The following CAMK2N2 variants were observed in gnomAD, a reference collection of about 807,000 sequenced individuals.
CAMK2N2 encodes the protein calcium/calmodulin dependent protein kinase II inhibitor 2.
Under a neutral mutation model 7.8 loss-of-function variants are expected in CAMK2N2, and 3 were observed. That is an observed-to-expected ratio of 0.38 (90% CI 0.18 to 0.99). CAMK2N2 has a LOEUF of 0.99. CAMK2N2 is among the 50% of genes least tolerant of loss of function. The pLI is 0.37. For missense variants in CAMK2N2, 85 were observed against 108.4 expected (o/e 0.78, Z 0.96); for synonymous variants, 45 against 46.6 (o/e 0.97, Z 0.14).
chr3:184,261,105 C>T lies in CAMK2N2; in HGVS notation c.169+12G>A, dbSNP rs1416046821. On this transcript the variant is annotated intron_variant, in intron 1 of 1. Transcript: ENST00000296238. This position sits in a 1 kb window ranked among gnomAD's most constrained non-coding sequence, Gnocchi z 5.1. ...CTGGGTCAGGCGGCGACTCCGGGCC[C>T]GGGCCGCGTACCTCGCTTGGCTCGG... 2 of 1,591,670 alleles carry T rather than the reference C, an allele frequency of 1.3e-6. No homozygotes were observed. Among genetic ancestry groups the T allele is most frequent in the Non-Finnish European group, 1.7e-6 (2 of 1,172,184 alleles).
chr3:184,259,348 G>T lies in CAMK2N2; in HGVS notation c.*809C>A, dbSNP rs961725151. The T allele has an allele frequency of 2.0e-5, 3 of 152,672 alleles. No homozygotes were observed. The highest frequency in any genetic ancestry group is 7.2e-5 in the African/African-American group (3 of 41,448). The allele number at this position is 152,672 out of a possible 1,614,324, so 9.5% of individuals were successfully genotyped here. A position where few individuals can be genotyped will look rare whatever the true frequency, so the allele number is the denominator to read the frequency against. On this transcript the variant is annotated 3_prime_UTR_variant, in exon 2 of 2. Coordinates refer to ENST00000296238, the MANE Select transcript of CAMK2N2 (RefSeq NM_033259.3). ...CAAAGGTTCAGAGCAGTCCCCATTT[G>T]GGTTCCCAGGGGCAAGACGCAGGGG...
Position 184,260,805 on chromosome 3 carries a change from A to G in CAMK2N2, c.169+312T>C, listed in dbSNP as rs1560173739. Among the ~76,000 whole-genome samples the G allele has an allele frequency of 2.0e-5, 3 of 152,194 alleles. No homozygotes were observed. Among genetic ancestry groups the G allele is most frequent in the Admixed American group, 6.5e-5 (1 of 15,286 alleles). ...CCGACTCAGTATTTGATCCCAAAGA[A>G]TCAGCCCGTTACCCCGTGCTCCCAC... On this transcript the variant is annotated intron_variant, in intron 1 of 1. Coordinates refer to ENST00000296238, the MANE Select transcript of CAMK2N2 (RefSeq NM_033259.3). This position sits in a 1 kb window ranked among gnomAD's most constrained non-coding sequence, Gnocchi z 6.6.
chr3:184,259,921 T>TA lies in CAMK2N2; in HGVS notation c.*235dup, dbSNP rs1260533568. 1.1e-4 allele frequency: 16 copies of TA among 151,864 alleles called. 2 individuals carry two copies. The highest frequency in any genetic ancestry group is 1.0e-3 in the Admixed American group (16 of 15,258). The allele number at this position is 151,864 out of a possible 1,614,324, so 9.4% of individuals were successfully genotyped here. ...GGGGTGGGGCTGCGGCCCGAGGTTT[T>TA]AAAGTGCATGAGCGCGGCGGCGGGT... On this transcript the variant is annotated 3_prime_UTR_variant, in exon 2 of 2. Coordinates refer to ENST00000296238, the MANE Select transcript of CAMK2N2 (RefSeq NM_033259.3).
At position 184,261,553 on chromosome 3, in the gene CAMK2N2, T is replaced by C. The variant is rs1389971772; in HGVS notation, c.-268A>G. ...GGCGGCGGCGGCGGCAAGAGCGGAA[T>C]GACGATGAGCGCCCGACTGCGGCAG... On this transcript the variant is annotated 5_prime_UTR_variant, in exon 1 of 2. Transcript: ENST00000296238. The surrounding 1 kb of genome is among the most constrained non-coding windows in gnomAD (Gnocchi z 5.1). The C allele has an allele frequency of 7.1e-6, 1 of 141,508 alleles. No individual in the cohort carries two copies. The highest frequency in any genetic ancestry group is 7.0e-5 in the Admixed American group (1 of 14,354). 8.8% of individuals were successfully genotyped at this position (141,508 alleles called of 1,614,324 possible).
In CAMK2N2 at chr3:184,260,514, T is replaced by C. The variant is rs1720006252; in HGVS notation, c.170-287A>G. Among the ~76,000 whole-genome samples the C allele has an allele frequency of 6.6e-6, 1 of 152,104 alleles. No homozygotes were observed. Among genetic ancestry groups the C allele is most frequent in the Non-Finnish European group, 1.5e-5 (1 of 68,018 alleles). ...CCACCTGAGCCTTCCTCCCTCTGAG[T>C]TGATCAGAAACCTCTTGCTCACGGA... is the stretch of plus-strand genomic sequence containing the variant. On this transcript the variant is annotated intron_variant, in intron 1 of 1. Transcript: ENST00000296238. This position sits in a 1 kb window ranked among gnomAD's most constrained non-coding sequence, Gnocchi z 6.6.
At position 184,260,752 on chromosome 3, in the gene CAMK2N2, T is replaced by C. The variant is rs1720015323; in HGVS notation, c.169+365A>G. Among the ~76,000 whole-genome samples, 1 of 152,192 alleles carries C rather than the reference T, an allele frequency of 6.6e-6. No homozygotes were observed. The highest frequency in any genetic ancestry group is 1.5e-5 in the Non-Finnish European group (1 of 68,032). On this transcript the variant is annotated intron_variant, in intron 1 of 1. Coordinates refer to ENST00000296238, the MANE Select transcript of CAMK2N2 (RefSeq NM_033259.3). The surrounding 1 kb of genome is among the most constrained non-coding windows in gnomAD (Gnocchi z 6.6). ...TGCCCTCTCTTGTTAGACGTCCCTC[T>C]CGACCCGAAGGTTCTTCGTATTGTC...
Position 184,260,145 on chromosome 3 carries a change from G to T in CAMK2N2, c.*12C>A, listed in dbSNP as rs377017173. ...AGGCTGGGCCCGGAGCCCGCCGCCC[G>T]AGCCGGCGCGTCTACACTCCGGACG... is the stretch of plus-strand genomic sequence containing the variant. On this transcript the variant is annotated 3_prime_UTR_variant, in exon 2 of 2. Coordinates refer to ENST00000296238, the MANE Select transcript of CAMK2N2 (RefSeq NM_033259.3). The surrounding 1 kb of genome is among the most constrained non-coding windows in gnomAD (Gnocchi z 6.6). 4.6e-6 allele frequency: 7 copies of T among 1,526,872 alleles called. No individual in the cohort carries two copies. Among genetic ancestry groups the T allele is most frequent in the Non-Finnish European group, 5.3e-6 (6 of 1,132,090 alleles). The allele number at this position is 1,526,872 out of a possible 1,614,324, so 94.6% of individuals were successfully genotyped here. A position where few individuals can be genotyped will look rare whatever the true frequency, so the allele number is the denominator to read the frequency against.
Position 184,260,269 on chromosome 3 carries a change from G to A in CAMK2N2, c.170-42C>T, listed in dbSNP as rs1719994099. 2.5e-6 allele frequency: 4 copies of A among 1,587,302 alleles called. No homozygotes were observed. Among genetic ancestry groups the A allele is most frequent in the African/African-American group, 1.3e-5 (1 of 74,224 alleles). On this transcript the variant is annotated intron_variant, in intron 1 of 1. Coordinates refer to ENST00000296238, the MANE Select transcript of CAMK2N2 (RefSeq NM_033259.3). This position sits in a 1 kb window ranked among gnomAD's most constrained non-coding sequence, Gnocchi z 6.6. ...CGCGTCAGCCGCGCGGCCTCGGGGGGCGGCGGCGATGAGAATGAGCCCCGC... is the reference window on the plus strand; with the variant it reads ...CGCGTCAGCCGCGCGGCCTCGGGGGACGGCGGCGATGAGAATGAGCCCCGC...
In CAMK2N2 at chr3:184,260,118, C is replaced by G; in HGVS notation, c.*39G>C. The G allele has an allele frequency of 1.5e-6, 2 of 1,344,038 alleles. No homozygotes were observed. The highest frequency in any genetic ancestry group is 1.9e-6 in the Non-Finnish European group (2 of 1,029,494). The allele number at this position is 1,344,038 out of a possible 1,614,324, so 83.3% of individuals were successfully genotyped here. A position where few individuals can be genotyped will look rare whatever the true frequency, so the allele number is the denominator to read the frequency against. ...CGCCGGCCCGCGCTCCTGGCCGCTG[C>G]GAGGCTGGGCCCGGAGCCCGCCGCC... is the stretch of plus-strand genomic sequence containing the variant. On this transcript the variant is annotated 3_prime_UTR_variant, in exon 2 of 2. Transcript: ENST00000296238. The surrounding 1 kb of genome is among the most constrained non-coding windows in gnomAD (Gnocchi z 6.6).
rs1719985907 is a variant in CAMK2N2, at chr3:184,260,097, G to T, written c.*60C>A. The T allele has an allele frequency of 9.8e-7, 1 of 1,021,308 alleles. No homozygotes were observed. Among genetic ancestry groups the T allele is most frequent in the Non-Finnish European group, 1.2e-6 (1 of 839,284 alleles). 63.3% of individuals were successfully genotyped at this position (1,021,308 alleles called of 1,614,324 possible). ...GGGGGGCGCCGGCAGCCGCATCGCCGGCCCGCGCTCCTGGCCGCTGCGAGG... is the reference window on the plus strand; with the variant it reads ...GGGGGGCGCCGGCAGCCGCATCGCCTGCCCGCGCTCCTGGCCGCTGCGAGG... On this transcript the variant is annotated 3_prime_UTR_variant, in exon 2 of 2. Transcript: ENST00000296238. This position sits in a 1 kb window ranked among gnomAD's most constrained non-coding sequence, Gnocchi z 6.6.
Position 184,260,344 on chromosome 3 carries a change from G to C in CAMK2N2, c.170-117C>G. On this transcript the variant is annotated intron_variant, in intron 1 of 1. Transcript: ENST00000296238. The surrounding 1 kb of genome is among the most constrained non-coding windows in gnomAD (Gnocchi z 6.6). ...GCCCGTGGCCCAGCGACGCCCCTCG[G>C]AACCCTGTGCCGCGGTGTCCTCCCC... 1 of 922,220 alleles carries C rather than the reference G, an allele frequency of 1.1e-6. No individual in the cohort carries two copies. Among genetic ancestry groups the C allele is most frequent in the Non-Finnish European group, 1.6e-6 (1 of 622,538 alleles). The allele number at this position is 922,220 out of a possible 1,614,324, so 57.1% of individuals were successfully genotyped here. A position where few individuals can be genotyped will look rare whatever the true frequency, so the allele number is the denominator to read the frequency against.
Position 184,261,185 on chromosome 3 carries a change from T to C in CAMK2N2, c.101A>G (p.Asn34Ser), listed in dbSNP as rs1326186282. 2 of 1,607,820 alleles carry C rather than the reference T, an allele frequency of 1.2e-6. No homozygotes were observed. The highest frequency in any genetic ancestry group is 8.5e-7 in the Non-Finnish European group (1 of 1,177,870). Residue 34 changes from asparagine (N) to serine (S), a missense_variant, in exon 1 of 2, where the codon AAC becomes AGC. Transcript: ENST00000296238. This position sits in a 1 kb window ranked among gnomAD's most constrained non-coding sequence, Gnocchi z 5.1. ...GGCCTGGTTGCCCGCGAAGAAGGAG[T>C]TGGTGTCCTGCAGGCGGCAGCTGAA... is the stretch of plus-strand genomic sequence containing the variant. The part of the protein sequence containing the change: ...LSFSCRLQDT[N>S]SFFAGNQAKR...
At position 184,261,204 on chromosome 3, in the gene CAMK2N2, A is replaced by C; in HGVS notation, c.82T>G (p.Cys28Gly). The change falls in exon 1 of 2, where the codon TGC becomes GGC. Residue 28 changes from cysteine (C) to glycine (G), a missense_variant. Transcript: ENST00000296238. The surrounding 1 kb of genome is among the most constrained non-coding windows in gnomAD (Gnocchi z 5.1). ...DPEGSDLSFS[C>G]RLQDTNSFFA... Reference sequence around the variant, plus strand: ...AAGGAGTTGGTGTCCTGCAGGCGGCAGCTGAAGGAGAGGTCGGAGCCCTCG... The same window carrying C: ...AAGGAGTTGGTGTCCTGCAGGCGGCCGCTGAAGGAGAGGTCGGAGCCCTCG... 6.2e-7 allele frequency: 1 copy of C among 1,608,062 alleles called. No homozygotes were observed. The highest frequency in any genetic ancestry group is 2.3e-5 in the East Asian group (1 of 43,998).
rs185351344 is a variant in CAMK2N2, at chr3:184,261,421, G to A, written c.-136C>T. ...GTCATGCAGCATCCGGGGCTGAGGA[G>A]CCAAGCGGGGCCTCCTCCCCCGCGC... On this transcript the variant is annotated 5_prime_UTR_variant, in exon 1 of 2. Transcript: ENST00000296238. The surrounding 1 kb of genome is among the most constrained non-coding windows in gnomAD (Gnocchi z 5.1). 8,635 of 629,974 alleles carry A rather than the reference G, an allele frequency of 0.014. 388 individuals are homozygous for A. The highest frequency in any genetic ancestry group is 0.11 in the East Asian group (2,658 of 25,012). The allele number at this position is 629,974 out of a possible 1,614,324, so 39.0% of individuals were successfully genotyped here. A position where few individuals can be genotyped will look rare whatever the true frequency, so the allele number is the denominator to read the frequency against.
chr3:184,261,185 T>G lies in CAMK2N2; in HGVS notation c.101A>C (p.Asn34Thr). The change falls in exon 1 of 2, where the codon AAC (asparagine) becomes ACC (threonine). Residue 34 changes from asparagine (N) to threonine (T), a missense_variant. By Grantham distance (65) the Asn-to-Thr change is moderately conservative (BLOSUM62 0). Transcript: ENST00000296238. This position sits in a 1 kb window ranked among gnomAD's most constrained non-coding sequence, Gnocchi z 5.1. ...GGCCTGGTTGCCCGCGAAGAAGGAG[T>G]TGGTGTCCTGCAGGCGGCAGCTGAA... ...LSFSCRLQDTNSFFAGNQAKR... is the reference protein window; with the variant it reads ...LSFSCRLQDTTSFFAGNQAKR... The G allele has an allele frequency of 1.2e-6, 2 of 1,607,820 alleles. No individual in the cohort carries two copies. Among genetic ancestry groups the G allele is most frequent in the Non-Finnish European group, 1.7e-6 (2 of 1,177,870 alleles).
chr3:184,260,711 C>T lies in CAMK2N2; in HGVS notation c.169+406G>A, dbSNP rs975849638. 2.0e-5 allele frequency among the ~76,000 whole-genome samples: 3 copies of T among 152,334 alleles called. No individual in the cohort carries two copies. In the South Asian group the frequency reaches 6.2e-4, roughly 32 times the overall value. ...TCCCCATGCAAACAACCAAGACAAGCGGACCCCCGGCCTCCTGCCCTCTCT... is the reference window on the plus strand; with the variant it reads ...TCCCCATGCAAACAACCAAGACAAGTGGACCCCCGGCCTCCTGCCCTCTCT... On this transcript the variant is annotated intron_variant, in intron 1 of 1. Coordinates refer to ENST00000296238, the MANE Select transcript of CAMK2N2 (RefSeq NM_033259.3). This position sits in a 1 kb window ranked among gnomAD's most constrained non-coding sequence, Gnocchi z 6.6.
rs1296315234 is a variant in CAMK2N2, at chr3:184,261,112, C to T, written c.169+5G>A. On this transcript the variant is annotated splice_donor_5th_base_variant and intron_variant, in intron 1 of 1. Coordinates refer to ENST00000296238, the MANE Select transcript of CAMK2N2 (RefSeq NM_033259.3). This position sits in a 1 kb window ranked among gnomAD's most constrained non-coding sequence, Gnocchi z 5.1. ...AGGCGGCGACTCCGGGCCCGGGCCGCGTACCTCGCTTGGCTCGGCCGATCT... is the reference window on the plus strand; with the variant it reads ...AGGCGGCGACTCCGGGCCCGGGCCGTGTACCTCGCTTGGCTCGGCCGATCT... 2 of 1,595,086 alleles carry T rather than the reference C, an allele frequency of 1.3e-6. No homozygotes were observed. The highest frequency in any genetic ancestry group is 1.4e-5 in the African/African-American group (1 of 72,486).
At position 184,260,356 on chromosome 3, in the gene CAMK2N2, G is replaced by T; in HGVS notation, c.170-129C>A. 1 of 779,244 alleles carries T rather than the reference G, an allele frequency of 1.3e-6. No individual in the cohort carries two copies. Among genetic ancestry groups the T allele is most frequent in the Admixed American group, 2.4e-5 (1 of 42,292 alleles). The allele number at this position is 779,244 out of a possible 1,614,324, so 48.3% of individuals were successfully genotyped here. A position where few individuals can be genotyped will look rare whatever the true frequency, so the allele number is the denominator to read the frequency against. On this transcript the variant is annotated intron_variant, in intron 1 of 1. Transcript: ENST00000296238. The surrounding 1 kb of genome is among the most constrained non-coding windows in gnomAD (Gnocchi z 6.6). ...GCGACGCCCCTCGGAACCCTGTGCC[G>T]CGGTGTCCTCCCCGTCCGAACTCTT...
chr3:184,260,284 A>G lies in CAMK2N2; in HGVS notation c.170-57T>C. On this transcript the variant is annotated intron_variant, in intron 1 of 1. Coordinates refer to ENST00000296238, the MANE Select transcript of CAMK2N2 (RefSeq NM_033259.3). This position sits in a 1 kb window ranked among gnomAD's most constrained non-coding sequence, Gnocchi z 6.6. ...GCCTCGGGGGGCGGCGGCGATGAGA[A>G]TGAGCCCCGCGTCCTAGCTTCCCGC... 1.3e-6 allele frequency: 2 copies of G among 1,528,080 alleles called. No individual in the cohort carries two copies. Among genetic ancestry groups the G allele is most frequent in the Non-Finnish European group, 1.8e-6 (2 of 1,111,322 alleles). 94.7% of individuals were successfully genotyped at this position (1,528,080 alleles called of 1,614,324 possible).
Sources: allele counts gnomAD v4.1 joint callset (sites outside exome capture counted in the v4.1 genomes callset), GRCh38; gene constraint gnomAD v4.1.1; non-coding constraint Gnocchi (gnomAD v3.1); transcripts MANE v1.5; gene names NCBI Gene and HGNC (gene_info 2026-07-23, HGNC 2026-07-21).